BAHCC1: variants seen among roughly 807,000 people sequenced by gnomAD.
BAHCC1 encodes BAH and coiled-coil domain-containing protein 1.
A neutral mutation model predicts 88.2 loss-of-function variants in BAHCC1; 43 were observed. The ratio of observed to expected loss-of-function variants is 0.49; its 90% CI spans 0.38 to 0.63. The LOEUF (loss-of-function observed/expected upper bound fraction) is 0.63. Ranked by LOEUF, BAHCC1 falls within the 20% of genes least tolerant of loss-of-function variation. The pLI is 0.00. For synonymous variants in BAHCC1, 1,510 were observed against 745.5 expected, an observed-to-expected ratio of 2.03 and a Z score of -16.71; for missense variants, 3,023 against 1,654.8, an observed-to-expected ratio of 1.83 and a Z score of -14.34.
chr17:81,452,991 C>T, intron 14 of BAHCC1, 140 bp downstream of exon 14: 1 of 568,284 alleles, frequency 1.8e-6, no homozygotes, highest in East Asian at 3.4e-5. Context: ...TGGCCCTGCC[C>T]TTCCTAGACC....
rs1370080925 is a variant in BAHCC1 at position 81,435,106 on chromosome 17, G to A, written c.359-3264G>A. On this transcript the variant is annotated intron_variant, in intron 3 of 27. Coordinates refer to ENST00000675386, the MANE Select transcript of BAHCC1 (RefSeq NM_001377448.1). This position sits in a 1 kb window ranked among gnomAD's most constrained non-coding sequence, Gnocchi z 4.4. ...TCAGCCCTGCCCCAGGGGCACCCCC[G>A]ACCCCCACTGACTGCCCACTCTCTC... 1.3e-5 allele frequency among the ~76,000 whole-genome samples: 2 copies of A among 151,456 alleles called. No homozygotes were observed. The highest frequency in any genetic ancestry group is 6.6e-5 in the Admixed American group (1 of 15,232).
At chr17:81,437,820 G>A (rs562174618) in intron 3 of BAHCC1, among the ~76,000 whole-genome samples, 5 of 151,916 alleles carry the variant, frequency 3.3e-5, no homozygotes, top group African/African-American at 7.2e-5. Context: ...TCTCAGAGCC[G>A]GAAGAGGCCT....
At chr17:81,454,524 C>A (rs1320295043) in intron 14 of BAHCC1, among the ~76,000 whole-genome samples, 2 of 152,092 alleles carry the variant, frequency 1.3e-5, no homozygotes, top group Non-Finnish European at 2.9e-5. Flanking sequence ...AAAGCCCAGG[C>A]TTCTCTGGAC....
intron 2 of BAHCC1, among the ~76,000 whole-genome samples, chr17:81,408,596 C>T (rs1176900489): frequency 6.6e-6 from 1 of 152,162 alleles, no homozygotes; most frequent in East Asian, 1.9e-4. Context: ...TGTGACTCTG[C>T]CTAAGTGGAG....
At chr17:81,440,368 T>C (rs920195932) in intron 4 of BAHCC1, among the ~76,000 whole-genome samples, 2 of 152,208 alleles carry the variant, frequency 1.3e-5, no homozygotes, top group Non-Finnish European at 2.9e-5. Flanking sequence ...CCAAGAACAG[T>C]ATTTGGTTTT....
intron 11 of BAHCC1, 55 bp from the exon 12 acceptor site, chr17:81,451,613 G>A (rs1555655752): frequency 6.9e-6 from 5 of 727,306 alleles, no homozygotes; most frequent in Non-Finnish European, 1.3e-5. Context: ...TCAAGAGCCT[G>A]TGAGGGGCAG....
Position 81,395,481 on chromosome 17 carries a change from C to T in BAHCC1, c.-361C>T, listed in dbSNP as rs1343451489. The stretch of plus-strand genomic sequence containing the variant: ...CGCGCCAGGCTGCAGGTTTGAGAGC[C>T]GCTCTGGATGGGCTCGCTAGAGTCG... On this transcript the variant is annotated 5_prime_UTR_variant, in exon 1 of 28. Transcript: ENST00000675386. 6.6e-6 allele frequency: 1 copy of T among 152,208 alleles called. No individual in the cohort carries two copies. The highest frequency in any genetic ancestry group is 1.5e-5 in the Non-Finnish European group (1 of 68,042). 9.4% of individuals were successfully genotyped at this position (152,208 alleles called of 1,614,324 possible).
Position 81,447,857 on chromosome 17 carries a change from G to A in BAHCC1, c.3976+9G>A, listed in dbSNP as rs529557555. On this transcript the variant is annotated intron_variant, in intron 11 of 27. Coordinates refer to ENST00000675386, the MANE Select transcript of BAHCC1 (RefSeq NM_001377448.1). ...TGAGAGGACTGTGCCAGGTAAGCCC[G>A]GTGGTTGCCGCCACCCCCCAGAGTC... 120 of 721,936 alleles carry A rather than the reference G, an allele frequency of 1.7e-4. No homozygotes were observed. The highest frequency in any genetic ancestry group is 6.9e-4 in the African/African-American group (40 of 57,672). The allele number at this position is 721,936 out of a possible 1,614,324, so 44.7% of individuals were successfully genotyped here.
At chr17:81,407,852 ACACT>A (rs2063900307) in intron 2 of BAHCC1, among the ~76,000 whole-genome samples, 1 of 152,204 alleles carries the variant, frequency 6.6e-6, no homozygotes, top group African/African-American at 2.4e-5. Flanking sequence ...CTGCACACAC[ACACT>A]CACACTGTTC....
chr17:81,412,721 A>G (rs543802776), intron 2 of BAHCC1, among the ~76,000 whole-genome samples: 1 of 152,154 alleles, frequency 6.6e-6, no homozygotes, highest in Non-Finnish European at 1.5e-5. Flanking sequence ...TCTTCCCTGC[A>G]TGAGTAGCTG....
intron 3 of BAHCC1, among the ~76,000 whole-genome samples, chr17:81,431,078 T>TGGGGATCCCAGCGTGGGGGTGGA (rs2064255811): frequency 1.2e-5 from 1 of 81,500 alleles, no homozygotes; most frequent in Non-Finnish European, 2.6e-5. Context: ...GGGGACAGCG[T>TGGGGATCCCAGCGTGGGGGTGGA]GGGGATCCCA....
chr17:81,430,221 C>T (rs2064245160), intron 3 of BAHCC1, among the ~76,000 whole-genome samples: 2 of 152,036 alleles, frequency 1.3e-5, no homozygotes, highest in Non-Finnish European at 2.9e-5. Context: ...CTCCCCACCG[C>T]GCCCCCCAGC....
Position 81,399,127 on chromosome 17 carries a change from GA to G in BAHCC1, c.-206-406del. 1 of 202,328 alleles carries G rather than the reference GA, an allele frequency of 4.9e-6. No individual in the cohort carries two copies. The highest frequency in any genetic ancestry group is 1.0e-5 in the Non-Finnish European group (1 of 98,348). 12.5% of individuals were successfully genotyped at this position (202,328 alleles called of 1,614,324 possible). On this transcript the variant is annotated intron_variant, in intron 1 of 27. Transcript: ENST00000675386. The surrounding 1 kb of genome is among the most constrained non-coding windows in gnomAD (Gnocchi z 4.5). Reference sequence around the variant, plus strand: ...GGGGGAGGGGAGAGGGTGTGCGTGTGAGTGTGTGTGTGTGTGTGTGTGTGTG... The same window carrying G: ...GGGGGAGGGGAGAGGGTGTGCGTGTGGTGTGTGTGTGTGTGTGTGTGTGTG...
rs1393914331 is a variant in BAHCC1, at chr17:81,399,587, G to A, written c.-153G>A. 1 of 473,904 alleles carries A rather than the reference G, an allele frequency of 2.1e-6. No individual in the cohort carries two copies. Among genetic ancestry groups the A allele is most frequent in the Non-Finnish European group, 3.6e-6 (1 of 277,582 alleles). The allele number at this position is 473,904 out of a possible 1,614,324, so 29.4% of individuals were successfully genotyped here. ...TCGGTGCGCGGCCGCCCGCCGAGAAGCCCAGTCCTCCCGCGTGCTGACCGG... is the reference window on the plus strand; with the variant it reads ...TCGGTGCGCGGCCGCCCGCCGAGAAACCCAGTCCTCCCGCGTGCTGACCGG... On this transcript the variant is annotated 5_prime_UTR_variant, in exon 2 of 28. Transcript: ENST00000675386. The surrounding 1 kb of genome is among the most constrained non-coding windows in gnomAD (Gnocchi z 4.5).
rs1340473561 is a variant in BAHCC1 at position 81,429,554 on chromosome 17, C to G, written c.358+2575C>G. Among the ~76,000 whole-genome samples the G allele has an allele frequency of 3.9e-5, 6 of 152,268 alleles. No individual in the cohort carries two copies. In the East Asian group the frequency reaches 1.2e-3, roughly 29 times the overall value. ...TAGTTTGACAGGGTGCCAGCTGGCT[C>G]CCCGTGCGCCGGGCCTGTTTCTCTG... On this transcript the variant is annotated intron_variant, in intron 3 of 27. Transcript: ENST00000675386.
At chr17:81,421,120 T>G (rs2064110789) in intron 2 of BAHCC1, among the ~76,000 whole-genome samples, 3 of 152,240 alleles carry the variant, frequency 2.0e-5, no homozygotes, top group Non-Finnish European at 4.4e-5. Flanking sequence ...GATGGGGCAC[T>G]TGGTCTGAGG....
At chr17:81,405,740 G>A (rs1050116977) in intron 2 of BAHCC1, among the ~76,000 whole-genome samples, 3 of 152,082 alleles carry the variant, frequency 2.0e-5, no homozygotes, top group African/African-American at 4.8e-5. Context: ...TGGGCCCCCC[G>A]GTCTGGCTTC....
intron 3 of BAHCC1, among the ~76,000 whole-genome samples, chr17:81,437,305 C>T (rs1327498869): frequency 3.9e-5 from 6 of 152,250 alleles, no homozygotes; most frequent in South Asian, 2.1e-4. Flanking sequence ...TAAGGCAGGC[C>T]GGCCGGCACT....
chr17:81,450,758 T>C (rs556488035), intron 11 of BAHCC1, among the ~76,000 whole-genome samples: 2 of 152,164 alleles, frequency 1.3e-5, no homozygotes, highest in African/African-American at 4.8e-5. Context: ...CCCTGCCCGC[T>C]GCCCTCCTCA....
Sources: allele counts gnomAD v4.1 joint callset (sites outside exome capture counted in the v4.1 genomes callset), GRCh38; gene constraint gnomAD v4.1.1; non-coding constraint Gnocchi (gnomAD v3.1); transcripts MANE v1.5; gene names NCBI Gene and HGNC (gene_info 2026-07-23, HGNC 2026-07-21).